The following ZNF385D variants were observed in gnomAD, a reference collection of about 807,000 sequenced individuals.
ZNF385D encodes the protein zinc finger protein 659.
In ZNF385D, 15 loss-of-function variants were observed where a neutral mutation model predicts 35.8. That is an observed-to-expected ratio of 0.42 (90% CI 0.28 to 0.64). ZNF385D has a LOEUF of 0.64. Among genes scored for constraint, ZNF385D ranks in the 30% least tolerant of loss-of-function variants. ZNF385D has a pLI of 0.23. For missense variants in ZNF385D, 474 were observed against 494.6 expected, an observed-to-expected ratio of 0.96 and a Z score of 0.39; for synonymous variants, 212 against 186.8, an observed-to-expected ratio of 1.13 and a Z score of -1.10.
At chr3:22,345,072 T>C (rs1031298048) in intron 2 of ZNF385D, among the ~76,000 whole-genome samples, 3 of 152,198 alleles carry the variant, frequency 2.0e-5, no homozygotes, top group African/African-American at 7.2e-5. Context: ...TCATCATGGG[T>C]CCTAGTATAC....
chr3:22,139,209 A>G (rs1704342135), intron 3 of ZNF385D, among the ~76,000 whole-genome samples: 1 of 152,182 alleles, frequency 6.6e-6, no homozygotes, highest in South Asian at 2.1e-4. Context: ...CGGTGTGGCG[A>G]TTCCTCAGGG....
At chr3:21,479,997 A>T (rs1704503724) in intron 4 of ZNF385D, among the ~76,000 whole-genome samples, 1 of 152,178 alleles carries the variant, frequency 6.6e-6, no homozygotes, top group Non-Finnish European at 1.5e-5. Flanking sequence ...TTTTAAATAC[A>T]CTTTACATTA....
intron 2 of ZNF385D, among the ~76,000 whole-genome samples, chr3:22,177,016 A>G (rs1266445152): frequency 6.6e-6 from 1 of 152,180 alleles, no homozygotes; most frequent in Non-Finnish European, 1.5e-5. Context: ...CCAACAGTAC[A>G]CAAATCTTTT....
chr3:22,225,823 G>A (rs1698520391), intron 2 of ZNF385D, among the ~76,000 whole-genome samples: 2 of 152,184 alleles, frequency 1.3e-5, no homozygotes, highest in Admixed American at 1.3e-4. Flanking sequence ...TTATTTGCTA[G>A]ATTTATACAA....
intron 3 of ZNF385D, among the ~76,000 whole-genome samples, chr3:21,887,897 A>C (rs1163442606): frequency 6.6e-6 from 1 of 152,162 alleles, no homozygotes; most frequent in African/African-American, 2.4e-5. Context: ...TCTGAATTGT[A>C]ACAGAAGGTT....
In ZNF385D at chr3:22,043,543, C is replaced by G. The variant is rs116706316; in HGVS notation, c.325+125274G>C. Among the ~76,000 whole-genome samples the G allele has an allele frequency of 2.5e-3, 376 of 151,888 alleles. 7 individuals carry two copies. Among genetic ancestry groups the G allele is most frequent in the African/African-American group, 8.8e-3 (366 of 41,444 alleles). On this transcript the variant is annotated intron_variant, in intron 3 of 5. Coordinates refer to the ZNF385D transcript ENST00000494108. ...GCAAGAGCAAGTAAATATTGAGTAA[C>G]TATTATGTCCTATACATTGTTCTAA...
At chr3:21,676,631 C>A (rs73819949) in intron 1 of ZNF385D, among the ~76,000 whole-genome samples, 2,253 of 152,100 alleles carry the variant, frequency 0.015, 61 homozygotes, top group African/African-American at 0.051. Flanking sequence ...GATAACTTTA[C>A]ATACATTATT....
At chr3:21,843,504 GA>G (rs1695810585) in intron 3 of ZNF385D, among the ~76,000 whole-genome samples, 1 of 151,988 alleles carries the variant, frequency 6.6e-6, no homozygotes, top group Non-Finnish European at 1.5e-5. Context: ...AAGCACGTGA[GA>G]GGTAGACTCT....
In ZNF385D at chr3:21,468,266, G is replaced by A. The variant is rs1703646634; in HGVS notation, c.440-31063C>T. On this transcript the variant is annotated intron_variant, in intron 4 of 7. Transcript: ENST00000281523. ...AAAATACAAAAATTAGCCAACTGTGGTGGCGGGCACCTGTAGTCCCAGCTA... is the reference window on the plus strand; with the variant it reads ...AAAATACAAAAATTAGCCAACTGTGATGGCGGGCACCTGTAGTCCCAGCTA... 2.6e-5 allele frequency among the ~76,000 whole-genome samples: 4 copies of A among 151,552 alleles called. No homozygotes were observed. The South Asian group carries it at 8.3e-4, about 32-fold the overall frequency.
At chr3:21,812,463 A>C (rs2072964332) in intron 3 of ZNF385D, among the ~76,000 whole-genome samples, 1 of 152,254 alleles carries the variant, frequency 6.6e-6, no homozygotes, top group African/African-American at 2.4e-5. Flanking sequence ...AAGCCGTGAT[A>C]GACGCTACCT....
At chr3:22,112,447 G>A (rs1285452136) in intron 3 of ZNF385D, among the ~76,000 whole-genome samples, 1 of 151,904 alleles carries the variant, frequency 6.6e-6, no homozygotes, top group Non-Finnish European at 1.5e-5. Context: ...GACAGCGGTG[G>A]GTGACAGCAT....
chr3:21,945,157 C>T (rs1390837156), intron 3 of ZNF385D, among the ~76,000 whole-genome samples: 1 of 148,152 alleles, frequency 6.7e-6, no homozygotes, highest in African/African-American at 2.5e-5. Context: ...TATATATATA[C>T]ACACACATAT....
At chr3:21,574,249 T>TA (rs1310027216) in intron 2 of ZNF385D, among the ~76,000 whole-genome samples, 3 of 152,118 alleles carry the variant, frequency 2.0e-5, no homozygotes, top group Admixed American at 6.6e-5. Context: ...ACTCTAGATG[T>TA]AATTGTCTTT....
chr3:22,040,772 A>G (rs900113452), intron 3 of ZNF385D, among the ~76,000 whole-genome samples: 2 of 152,186 alleles, frequency 1.3e-5, no homozygotes, highest in Non-Finnish European at 2.9e-5. Context: ...GGCTGATAGA[A>G]TCAGAATTTC....
chr3:21,755,937 G>C (rs1420883654), upstream of ZNF385D, among the ~76,000 whole-genome samples: 1 of 152,200 alleles, frequency 6.6e-6, no homozygotes, highest in Non-Finnish European at 1.5e-5. Context: ...CTAGAGTAGA[G>C]TAGATCTTAA....
Position 21,904,747 on chromosome 3 carries a change from G to T in ZNF385D, c.326-239719C>A, listed in dbSNP as rs367707590. ...TTTTCTTTTGTGATGCTAGATTTAGGGAGAAAGAATAGCACTTATAAGAAA... is the reference window on the plus strand; with the variant it reads ...TTTTCTTTTGTGATGCTAGATTTAGTGAGAAAGAATAGCACTTATAAGAAA... On this transcript the variant is annotated intron_variant, in intron 3 of 5. Coordinates refer to the ZNF385D transcript ENST00000494108. Among the ~76,000 whole-genome samples the T allele has an allele frequency of 2.0e-3, 304 of 152,124 alleles. 1 individual carries two copies. The highest frequency in any genetic ancestry group is 3.3e-3 in the Non-Finnish European group (221 of 67,978).
intron 1 of ZNF385D, among the ~76,000 whole-genome samples, chr3:21,712,644 A>G (rs1284581983): frequency 1.3e-5 from 2 of 152,224 alleles, no homozygotes; most frequent in Non-Finnish European, 2.9e-5. Flanking sequence ...TGGAAGTTTC[A>G]TGCAGAAAAA....
chr3:21,500,721 G>A (rs1337272212), intron 4 of ZNF385D, among the ~76,000 whole-genome samples: 1 of 152,182 alleles, frequency 6.6e-6, no homozygotes, highest in East Asian at 1.9e-4. Flanking sequence ...TGGCAAAAAT[G>A]ATAGGCAAGG....
At chr3:22,026,395 G>C (rs576511804) in intron 3 of ZNF385D, among the ~76,000 whole-genome samples, 19 of 152,220 alleles carry the variant, frequency 1.2e-4, no homozygotes, top group Admixed American at 9.2e-4. Context: ...CTTTTACCAG[G>C]TAACTGCATT....
Sources: allele counts gnomAD v4.1 joint callset (sites outside exome capture counted in the v4.1 genomes callset), GRCh38; gene constraint gnomAD v4.1.1; transcripts MANE v1.5; gene names NCBI Gene and HGNC (gene_info 2026-07-23, HGNC 2026-07-21).